Variants in SOHLH1 observed in about 807,000 individuals in gnomAD.
The protein encoded by SOHLH1 is spermatogenesis and oogenesis specific basic helix-loop-helix 1.
SOHLH1 carries 23 observed loss-of-function variants against 36.2 expected under a neutral mutation model. That is an observed-to-expected ratio of 0.64 (90% CI 0.46 to 0.90). SOHLH1 has a LOEUF of 0.90. SOHLH1 is among the 40% of genes least tolerant of loss of function. The pLI is 0.00. For missense variants in SOHLH1, 608 were observed against 517.0 expected (o/e 1.18, Z -1.71); for synonymous variants, 289 against 228.3 (o/e 1.27, Z -2.40).
At chr9:135,698,895 C>A (rs758816918) in intron 2 of SOHLH1, 100 bp downstream of exon 2, 23 of 1,552,290 alleles carry the variant, frequency 1.5e-5, no homozygotes, top group Non-Finnish European at 1.9e-5. Context: ...AGGCCACGAG[C>A]CCCTCCCAGC....
chr9:135,693,547 A>G lies in SOHLH1; in HGVS notation c.*50T>C. On this transcript the variant is annotated 3_prime_UTR_variant, in exon 8 of 8. Coordinates refer to ENST00000425225, the MANE Select transcript of SOHLH1 (RefSeq NM_001101677.2). ...GCCCAAGCACGCGACAGGGACACAC[A>G]CGGCTCCAGATCCACCGGCCCCGCC... is the stretch of plus-strand genomic sequence containing the variant. The G allele has an allele frequency of 6.6e-7, 1 of 1,516,354 alleles. No homozygotes were observed. Among genetic ancestry groups the G allele is most frequent in the Non-Finnish European group, 8.9e-7 (1 of 1,124,078 alleles). 93.9% of individuals were successfully genotyped at this position (1,516,354 alleles called of 1,614,324 possible).
chr9:135,699,217 G>T, intron 1 of SOHLH1, 91 bp from the exon 2 acceptor site: 1 of 1,540,552 alleles, frequency 6.5e-7, no homozygotes, highest in East Asian at 2.4e-5. Context: ...TTTGGGGTGC[G>T]GGTGGAAGCC....
At chr9:135,693,993 C>T in intron 7 of SOHLH1, 179 bp from the exon 8 acceptor site, 2 of 1,428,972 alleles carry the variant, frequency 1.4e-6, no homozygotes, top group South Asian at 1.5e-5. Context: ...ACCCAGGACA[C>T]CTGTTGGACC....
chr9:135,693,575 C>A lies in SOHLH1; in HGVS notation c.*22G>T. 2 of 1,544,612 alleles carry A rather than the reference C, an allele frequency of 1.3e-6. No homozygotes were observed. The highest frequency in any genetic ancestry group is 1.8e-6 in the Non-Finnish European group (2 of 1,141,122). ...GCTCCAGATCCACCGGCCCCGCCCG[C>A]CTCCTCTCCACAGCCTGGCTGCTAG... On this transcript the variant is annotated 3_prime_UTR_variant, in exon 8 of 8. Coordinates refer to ENST00000425225, the MANE Select transcript of SOHLH1 (RefSeq NM_001101677.2).
At chr9:135,698,827 C>G (rs575054025) in intron 2 of SOHLH1, among the ~76,000 whole-genome samples, 168 bp downstream of exon 2, 1 of 152,212 alleles carries the variant, frequency 6.6e-6, no homozygotes, top group Non-Finnish European at 1.5e-5. Flanking sequence ...CAGGATGTTC[C>G]CCAACAGGGC....
chr9:135,697,788 G>C (rs1046536254), intron 3 of SOHLH1, among the ~76,000 whole-genome samples, 161 bp from the exon 4 acceptor site: 3 of 152,150 alleles, frequency 2.0e-5, no homozygotes, highest in Non-Finnish European at 4.4e-5. Flanking sequence ...CGAGGCTGAG[G>C]TTCCACCCCC....
chr9:135,695,117 G>GGGGCCCAGCC lies in SOHLH1; in HGVS notation c.798_807dup (p.Leu270GlyfsTer32). 6.3e-7 allele frequency: 1 copy of GGGGCCCAGCC among 1,596,674 alleles called. No individual in the cohort carries two copies. The highest frequency in any genetic ancestry group is 8.5e-7 in the Non-Finnish European group (1 of 1,173,926). ...CCCAGAGGTGCAGCCCCCATGGCCAGGGGCCCAGCCTGGCCCAGCCAGCCA... is the reference window on the plus strand; with the variant it reads ...CCCAGAGGTGCAGCCCCCATGGCCAGGGGCCCAGCCGGGCCCAGCCTGGCCCAGCCAGCCA... On this transcript the variant is annotated frameshift_variant, in exon 6 of 8. Transcript: ENST00000425225. LOFTEE classifies it high-confidence loss of function.
chr9:135,693,894 G>C, intron 7 of SOHLH1, 80 bp from the exon 8 acceptor site: 1 of 1,492,970 alleles, frequency 6.7e-7, no homozygotes, highest in Non-Finnish European at 9.0e-7. Flanking sequence ...CGGAGGAACA[G>C]AGCTCCCACC....
In SOHLH1 at chr9:135,699,442, T is replaced by G. The variant is rs1834952678; in HGVS notation, c.26A>C (p.Tyr9Ser). The part of the protein sequence containing the change: MASRCSEP[Y>S]PEVSRIPTVR... ...GGTAGGGATTCTGGAGACCTCCGGG[T>G]AGGGCTCGGAGCACCGGGACGCCAT... Residue 9 changes from tyrosine to serine, a missense_variant, in exon 1 of 8, where the codon TAC becomes TCC. Coordinates refer to ENST00000425225, the MANE Select transcript of SOHLH1 (RefSeq NM_001101677.2). 1.2e-6 allele frequency: 2 copies of G among 1,612,212 alleles called. No homozygotes were observed. Among genetic ancestry groups the G allele is most frequent in the Non-Finnish European group, 1.7e-6 (2 of 1,179,774 alleles).
chr9:135,694,336 T>C, intron 7 of SOHLH1, 51 bp downstream of exon 7: 2 of 1,611,788 alleles, frequency 1.2e-6, no homozygotes, highest in South Asian at 2.2e-5. Context: ...CCCCAGCTCA[T>C]ATCAGGTGCT....
Position 135,693,479 on chromosome 9 carries a change from G to T in SOHLH1, c.*118C>A. ...CCTCTTCTCACAGCCTGTAAGCCTC[G>T]CTCAAATTAGGGTGCAGCTGCAACC... On this transcript the variant is annotated 3_prime_UTR_variant, in exon 8 of 8. Transcript: ENST00000425225. The T allele has an allele frequency of 7.4e-7, 1 of 1,347,200 alleles. No homozygotes were observed. Among genetic ancestry groups the T allele is most frequent in the Non-Finnish European group, 9.9e-7 (1 of 1,005,196 alleles). 83.5% of individuals were successfully genotyped at this position (1,347,200 alleles called of 1,614,324 possible).
At chr9:135,694,268 G>A (rs946810457) in intron 7 of SOHLH1, 119 bp downstream of exon 7, 124 of 1,553,876 alleles carry the variant, frequency 8.0e-5, no homozygotes, top group Middle Eastern at 1.8e-4. Context: ...TGGAGAAAAC[G>A]GGGGCTCAGA....
At chr9:135,693,850 G>A (rs1361541666) in intron 7 of SOHLH1, 36 bp from the exon 8 acceptor site, 2 of 1,526,856 alleles carry the variant, frequency 1.3e-6, no homozygotes, top group Non-Finnish European at 1.8e-6. Flanking sequence ...AGGGCAGGCA[G>A]GTGCTCTGGG....
At position 135,697,748 on chromosome 9, in the gene SOHLH1, G is replaced by A. The variant is rs543853750; in HGVS notation, c.346-121C>T. On this transcript the variant is annotated intron_variant, in intron 3 of 7. Transcript: ENST00000425225. Reference sequence around the variant, plus strand: ...TCACTGTGAGCTCGGTCCCCGCTTGGAACTTGGGGGCGAGAGTACAGGTTG... The same window carrying A: ...TCACTGTGAGCTCGGTCCCCGCTTGAAACTTGGGGGCGAGAGTACAGGTTG... 5.1e-5 allele frequency: 61 copies of A among 1,207,324 alleles called. No homozygotes were observed. In the African/African-American group the frequency reaches 6.5e-4, roughly 13 times the overall value. 74.8% of individuals were successfully genotyped at this position (1,207,324 alleles called of 1,614,324 possible).
At chr9:135,701,872 C>A (rs551009577), upstream of SOHLH1, among the ~76,000 whole-genome samples, 3 of 152,324 alleles carry the variant, frequency 2.0e-5, no homozygotes, top group Non-Finnish European at 4.4e-5. Context: ...CTGCTGCCCG[C>A]CAAGGACCCA....
intron 7 of SOHLH1, 116 bp from the exon 8 acceptor site, chr9:135,693,930 C>T (rs914532122): frequency 6.9e-7 from 1 of 1,451,074 alleles, no homozygotes; most frequent in Non-Finnish European, 9.1e-7. Flanking sequence ...TGCCCTGTCC[C>T]CGCTGCACAG....
rs771180035 is a variant in SOHLH1, at chr9:135,697,556, C to A, written c.417G>T (p.Gln139His). Residue 139 changes from glutamine to histidine, a missense_variant, in exon 4 of 8, where the codon CAG (glutamine) becomes CAT (histidine). Physicochemically the swap from Gln to His is conservative, Grantham distance 24. Coordinates refer to ENST00000425225, the MANE Select transcript of SOHLH1 (RefSeq NM_001101677.2). Reference sequence around the variant, plus strand: ...CAGGGTCTGGCACACCTGCTTGAATCTGACTCGACAACGTCAACTGTAAAA... The same window carrying A: ...CAGGGTCTGGCACACCTGCTTGAATATGACTCGACAACGTCAACTGTAAAA... Reference protein sequence around the residue: ...EDVLQLTLSSQIQAGVPDPGT... With the variant: ...EDVLQLTLSSHIQAGVPDPGT... The A allele has an allele frequency of 6.2e-7, 1 of 1,612,774 alleles. No homozygotes were observed. The highest frequency in any genetic ancestry group is 8.5e-7 in the Non-Finnish European group (1 of 1,179,808).
In SOHLH1 at chr9:135,693,729, T is replaced by C. The variant is rs765908864; in HGVS notation, c.1032A>G (p.Leu344=). 4.4e-6 allele frequency: 7 copies of C among 1,574,096 alleles called. No individual in the cohort carries two copies. In the African/African-American group the frequency reaches 9.5e-5, roughly 21 times the overall value. The change falls in exon 8 of 8, where the codon CTA becomes CTG. Residue 344 remains leucine, a synonymous_variant. Coordinates refer to ENST00000425225, the MANE Select transcript of SOHLH1 (RefSeq NM_001101677.2). The part of the protein sequence containing the change: ...SPLDVGEPGF[L]GDPELGSQEL... ...CCTGGGAGCCAAGCTCAGGGTCCCC[T>C]AGGAAGCCTGGCTCTCCAACATCCA...
At position 135,693,531 on chromosome 9, in the gene SOHLH1, C is replaced by T. The variant is rs562172654; in HGVS notation, c.*66G>A. On this transcript the variant is annotated 3_prime_UTR_variant, in exon 8 of 8. Coordinates refer to ENST00000425225, the MANE Select transcript of SOHLH1 (RefSeq NM_001101677.2). Reference sequence around the variant, plus strand: ...AAACCCAAAATAAAATGCCCAAGCACGCGACAGGGACACACACGGCTCCAG... The same window carrying T: ...AAACCCAAAATAAAATGCCCAAGCATGCGACAGGGACACACACGGCTCCAG... The T allele has an allele frequency of 5.9e-5, 88 of 1,494,434 alleles. 1 individual carries two copies. The highest frequency in any genetic ancestry group is 5.9e-4 in the African/African-American group (42 of 71,482). The allele number at this position is 1,494,434 out of a possible 1,614,324, so 92.6% of individuals were successfully genotyped here.
Sources: gnomAD v4.1 joint callset for allele counts (sites outside exome capture counted in the v4.1 genomes callset) on GRCh38, gnomAD v4.1.1 for gene constraint, MANE v1.5 for transcripts, NCBI Gene and HGNC (gene_info 2026-07-23, HGNC 2026-07-21) for gene names.